KCNAB1: variants seen among roughly 807,000 people sequenced by gnomAD.
KCNAB1 encodes potassium voltage-gated channel subfamily A regulatory beta subunit 1.
A neutral mutation model predicts 64.6 loss-of-function variants in KCNAB1; 35 were observed. That is an observed-to-expected ratio of 0.54 (90% CI 0.41 to 0.72). KCNAB1 has a LOEUF of 0.72. KCNAB1 is among the 30% of genes least tolerant of loss of function. The pLI is 0.00. For missense variants in KCNAB1, 401 were observed against 512.9 expected (o/e 0.78, Z 2.11); for synonymous variants, 177 against 183.8 (o/e 0.96, Z 0.30).
At chr3:156,122,906 A>G in intron 1 of KCNAB1, among the ~76,000 whole-genome samples, 1 of 152,224 alleles carries the variant, frequency 6.6e-6, no homozygotes, top group Non-Finnish European at 1.5e-5. Flanking sequence ...TACCTCTCAA[A>G]TGTTGGAACT....
chr3:156,242,870 C>G (rs1242550127), intron 1 of KCNAB1, among the ~76,000 whole-genome samples: 1 of 150,226 alleles, frequency 6.7e-6, no homozygotes, highest in Non-Finnish European at 1.5e-5. Flanking sequence ...GATGTCTGAT[C>G]ATCCTTGATG....
intron 8 of KCNAB1, among the ~76,000 whole-genome samples, chr3:156,477,774 A>T (rs1012228463): frequency 6.6e-6 from 1 of 152,134 alleles, no homozygotes; most frequent in Non-Finnish European, 1.5e-5. Flanking sequence ...CTGATCTGGG[A>T]AATAAAGAAG....
At chr3:156,360,904 G>A (rs369400966) in intron 1 of KCNAB1, among the ~76,000 whole-genome samples, 2 of 151,840 alleles carry the variant, frequency 1.3e-5, no homozygotes, top group South Asian at 2.1e-4. Flanking sequence ...GCCATCTCTC[G>A]CCTGGGTTAC....
At chr3:156,221,127 G>T (rs1469964302) in intron 1 of KCNAB1, among the ~76,000 whole-genome samples, 2 of 152,206 alleles carry the variant, frequency 1.3e-5, no homozygotes, top group Admixed American at 6.5e-5. Context: ...TAGCCTTGTA[G>T]TATAGTTTGA....
At position 156,203,188 on chromosome 3, in the gene KCNAB1, T is replaced by G. The variant is rs1714451795; in HGVS notation, c.275+82302T>G. On this transcript the variant is annotated intron_variant, in intron 1 of 13. Transcript: ENST00000490337. The stretch of plus-strand genomic sequence containing the variant: ...GGAGATATTCATGACCATCCATTAA[T>G]GTATTGCCTGTGGCTGCTTTCCCAC... Among the ~76,000 whole-genome samples the G allele has an allele frequency of 3.3e-5, 5 of 152,352 alleles. No individual in the cohort carries two copies. In the South Asian group the frequency reaches 1.0e-3, roughly 32 times the overall value.
chr3:156,293,346 T>C (rs1720577089), intron 1 of KCNAB1, among the ~76,000 whole-genome samples: 1 of 152,254 alleles, frequency 6.6e-6, no homozygotes. Flanking sequence ...TAATTGTCCA[T>C]ATCTAACTAT....
intron 1 of KCNAB1, chr3:156,227,652 A>G (rs945450695): frequency 8.5e-5 from 13 of 152,244 alleles, no homozygotes; most frequent in Non-Finnish European, 1.8e-4. Context: ...TGCAGTTAGT[A>G]AACAGGGATG....
At chr3:156,385,294 C>T (rs1712503180) in intron 1 of KCNAB1, among the ~76,000 whole-genome samples, 1 of 152,170 alleles carries the variant, frequency 6.6e-6, no homozygotes, top group African/African-American at 2.4e-5. Context: ...CACTCACAGT[C>T]TCCATGGCCC....
At chr3:156,140,540 A>G (rs1714649123) in intron 1 of KCNAB1, among the ~76,000 whole-genome samples, 1 of 152,186 alleles carries the variant, frequency 6.6e-6, no homozygotes, top group Non-Finnish European at 1.5e-5. Context: ...TGAGGGCTCC[A>G]AGATCACAAC....
At chr3:156,353,081 C>G (rs1724963826) in intron 1 of KCNAB1, among the ~76,000 whole-genome samples, 1 of 152,234 alleles carries the variant, frequency 6.6e-6, no homozygotes, top group South Asian at 2.1e-4. Flanking sequence ...GGAGAGAACT[C>G]TGCTATAAGT....
At chr3:156,515,077 G>A (rs1717467730) in intron 9 of KCNAB1, 23 bp from the exon 10 acceptor site, 1 of 1,584,238 alleles carries the variant, frequency 6.3e-7, no homozygotes, top group Non-Finnish European at 8.6e-7. Flanking sequence ...TATAAATTTG[G>A]TTGTAATCTC....
chr3:156,456,397 G>A (rs1215877450), intron 3 of KCNAB1, among the ~76,000 whole-genome samples: 3 of 152,096 alleles, frequency 2.0e-5, no homozygotes, highest in Non-Finnish European at 1.5e-5. Context: ...AGTCATAACA[G>A]GAAAAACTTG....
At chr3:156,218,260 A>G (rs1394295844) in intron 1 of KCNAB1, among the ~76,000 whole-genome samples, 3 of 152,126 alleles carry the variant, frequency 2.0e-5, no homozygotes, top group African/African-American at 7.2e-5. Context: ...GACTCAGCAG[A>G]GGCAGCCATA....
chr3:156,127,490 G>C (rs1713726734), intron 1 of KCNAB1, among the ~76,000 whole-genome samples: 1 of 152,208 alleles, frequency 6.6e-6, no homozygotes, highest in Non-Finnish European at 1.5e-5. Flanking sequence ...TTGCCTCCTA[G>C]CTCATTGTTC....
At chr3:156,530,161 A>G (rs2108422529) in intron 12 of KCNAB1, among the ~76,000 whole-genome samples, 1 of 152,320 alleles carries the variant, frequency 6.6e-6, no homozygotes, top group South Asian at 2.1e-4. Context: ...TGTTTTGTTG[A>G]CAGAAAGACA....
intron 1 of KCNAB1, among the ~76,000 whole-genome samples, chr3:156,155,159 C>T (rs907688532): frequency 3.9e-5 from 6 of 152,148 alleles, no homozygotes; most frequent in Non-Finnish European, 7.3e-5. Flanking sequence ...AGTCAAGCCT[C>T]GCTGTTTTTG....
chr3:156,300,401 G>C (rs539199688), intron 1 of KCNAB1, among the ~76,000 whole-genome samples: 103 of 152,284 alleles, frequency 6.8e-4, no homozygotes, highest in Non-Finnish European at 7.5e-4. Context: ...GATACCAGCA[G>C]TTTTCTCCTA....
chr3:156,436,958 T>C (rs188889404), intron 2 of KCNAB1, among the ~76,000 whole-genome samples: 1 of 152,346 alleles, frequency 6.6e-6, no homozygotes, highest in East Asian at 1.9e-4. Context: ...GAATTGCTTT[T>C]GATGTTTTTG....
chr3:156,254,186 A>G (rs978022563), intron 1 of KCNAB1, among the ~76,000 whole-genome samples: 7 of 152,218 alleles, frequency 4.6e-5, no homozygotes, highest in African/African-American at 1.2e-4. Flanking sequence ...ATAAAAAGAG[A>G]GCAGAGGTTA....
Sources: allele counts gnomAD v4.1 joint callset (sites outside exome capture counted in the v4.1 genomes callset), GRCh38; gene constraint gnomAD v4.1.1; transcripts MANE v1.5; gene names NCBI Gene and HGNC (gene_info 2026-07-23, HGNC 2026-07-21).